The following EPHB1 variants were observed in gnomAD, a reference collection of about 807,000 sequenced individuals.
The protein encoded by EPHB1 is EPH receptor B1, also known as ephrin type-B receptor 1.
Under a neutral mutation model 94.4 loss-of-function variants are expected in EPHB1, and 30 were observed. The observed-to-expected ratio is 0.32, with a 90% CI of 0.24 to 0.43. The LOEUF (loss-of-function observed/expected upper bound fraction) is 0.43, where lower values mean the gene tolerates loss of function less well. EPHB1 is among the 20% of genes least tolerant of loss of function. EPHB1 has a pLI of 1.00. For synonymous variants in EPHB1, 522 were observed against 489.1 expected (o/e 1.07, Z -0.89); for missense variants, 1,055 against 1,308.3 (o/e 0.81, Z 2.99).
chr3:135,180,754 T>A (rs372256926), intron 10 of EPHB1, among the ~76,000 whole-genome samples: 62 of 152,352 alleles, frequency 4.1e-4, no homozygotes, highest in East Asian at 3.5e-3. Context: ...GTAAATGAGA[T>A]AAAACATCTC....
chr3:134,959,285 C>T (rs1278649218), intron 3 of EPHB1, among the ~76,000 whole-genome samples: 3 of 152,014 alleles, frequency 2.0e-5, no homozygotes, highest in Non-Finnish European at 4.4e-5. Flanking sequence ...GAGACTGCCT[C>T]ATTTATCCAG....
At chr3:134,893,059 T>C (rs2038017803) in intron 1 of EPHB1, among the ~76,000 whole-genome samples, 2 of 152,006 alleles carry the variant, frequency 1.3e-5, no homozygotes, top group African/African-American at 4.8e-5. Context: ...AATCTCCTCA[T>C]CCATCTGAGA....
At chr3:135,080,153 T>C (rs916681204) in intron 3 of EPHB1, among the ~76,000 whole-genome samples, 2 of 152,110 alleles carry the variant, frequency 1.3e-5, no homozygotes, top group Non-Finnish European at 2.9e-5. Flanking sequence ...ACTTGTAAGA[T>C]TGGGAAAGGG....
intron 3 of EPHB1, among the ~76,000 whole-genome samples, chr3:135,056,597 C>G (rs1022851062): frequency 3.3e-5 from 5 of 152,256 alleles, no homozygotes; most frequent in Non-Finnish European, 2.9e-5. Flanking sequence ...AGGCCCACAA[C>G]CAGGCAAATG....
At chr3:134,828,362 A>G (rs2036524193) in intron 1 of EPHB1, among the ~76,000 whole-genome samples, 1 of 152,178 alleles carries the variant, frequency 6.6e-6, no homozygotes, top group South Asian at 2.1e-4. Flanking sequence ...CAGCTTCCCA[A>G]GTGGGATGAG....
intron 1 of EPHB1, among the ~76,000 whole-genome samples, chr3:134,882,826 T>TCTTTCTTTC (rs1170051919): frequency 5.7e-5 from 8 of 140,000 alleles, no homozygotes; most frequent in Admixed American, 2.9e-4. Context: ...TTCTTTCTTT[T>TCTTTCTTTC]CTTTCTTTCT....
intron 3 of EPHB1, among the ~76,000 whole-genome samples, chr3:134,960,790 C>A (rs571740559): frequency 3.3e-5 from 5 of 152,168 alleles, no homozygotes; most frequent in Non-Finnish European, 1.5e-5. Flanking sequence ...CAAACCCAGC[C>A]CTGATGAATC....
At chr3:135,165,608 T>C (rs1455596791) in intron 7 of EPHB1, among the ~76,000 whole-genome samples, 1 of 152,174 alleles carries the variant, frequency 6.6e-6, no homozygotes, top group African/African-American at 2.4e-5. Flanking sequence ...TCAGCAGTGG[T>C]TTTCATTTAG....
At chr3:134,882,766 CTT>C (rs1337252648) in intron 1 of EPHB1, among the ~76,000 whole-genome samples, 1 of 17,206 alleles carries the variant, frequency 5.8e-5, no homozygotes, top group Non-Finnish European at 1.4e-4. Flanking sequence ...TCCTTCCTTC[CTT>C]TCTTTCTTTC....
chr3:135,103,560 T>C (rs553562130), intron 3 of EPHB1, among the ~76,000 whole-genome samples: 4 of 152,342 alleles, frequency 2.6e-5, no homozygotes, highest in African/African-American at 7.2e-5. Flanking sequence ...TTTCTAATAA[T>C]CTGTGGGAGT....
chr3:135,188,480 G>A (rs914165850), intron 10 of EPHB1, among the ~76,000 whole-genome samples: 1 of 152,108 alleles, frequency 6.6e-6, no homozygotes, highest in Non-Finnish European at 1.5e-5. Flanking sequence ...GGGCGACATA[G>A]CAAGACTCTG....
intron 1 of EPHB1, among the ~76,000 whole-genome samples, chr3:134,871,846 T>A (rs2037506020): frequency 1.3e-5 from 2 of 152,230 alleles, no homozygotes; most frequent in South Asian, 2.1e-4. Context: ...AGTGGCACTA[T>A]GTTCTACTGG....
In EPHB1 at chr3:135,166,118, G is replaced by A. The variant is rs768360315; in HGVS notation, c.1694+42G>A. 22 of 1,512,936 alleles carry A rather than the reference G, an allele frequency of 1.5e-5. No homozygotes were observed. The Admixed American group carries it at 3.5e-4, about 24-fold the overall frequency. The allele number at this position is 1,512,936 out of a possible 1,614,324, so 93.7% of individuals were successfully genotyped here. A position where few individuals can be genotyped will look rare whatever the true frequency, so the allele number is the denominator to read the frequency against. On this transcript the variant is annotated intron_variant, in intron 8 of 15. Transcript: ENST00000398015. ...CACTTGCTCTCCTTGGACCCAGGAA[G>A]CCCCTCTCCATGTGCCGTTTCCCAG...
intron 3 of EPHB1, among the ~76,000 whole-genome samples, chr3:135,075,631 G>T (rs1937882905): frequency 6.6e-6 from 1 of 152,172 alleles, no homozygotes; most frequent in Non-Finnish European, 1.5e-5. Context: ...ATAGGGTGTG[G>T]TGGCTTATAT....
intron 3 of EPHB1, among the ~76,000 whole-genome samples, chr3:135,011,548 C>T (rs1340200970): frequency 1.3e-5 from 2 of 152,086 alleles, no homozygotes; most frequent in Non-Finnish European, 2.9e-5. Flanking sequence ...TGCTGGGGGT[C>T]GTAGCCACTG....
Position 135,225,275 on chromosome 3 carries a change from G to A in EPHB1, c.2347-15873G>A, listed in dbSNP as rs193279119. 1.6e-4 allele frequency among the ~76,000 whole-genome samples: 24 copies of A among 152,302 alleles called. No individual in the cohort carries two copies. The East Asian group carries it at 4.6e-3, about 29-fold the overall frequency. On this transcript the variant is annotated intron_variant, in intron 12 of 15. Coordinates refer to ENST00000398015, the MANE Select transcript of EPHB1 (RefSeq NM_004441.5). The stretch of plus-strand genomic sequence containing the variant: ...AAGATGTATCTCCCAATCCTTGGGA[G>A]ATACTAAAATATTCCTGTAGGATGC...
At chr3:135,145,009 A>G (rs756451408) in intron 5 of EPHB1, among the ~76,000 whole-genome samples, 1 of 152,250 alleles carries the variant, frequency 6.6e-6, no homozygotes, top group Non-Finnish European at 1.5e-5. Context: ...ATTTATACCC[A>G]GTCTCCAAAT....
At chr3:135,176,558 C>T (rs190068045) in intron 9 of EPHB1, among the ~76,000 whole-genome samples, 232 of 152,318 alleles carry the variant, frequency 1.5e-3, no homozygotes, top group Non-Finnish European at 2.1e-3. Context: ...CTTAATTCTA[C>T]AAGCTAGCAA....
chr3:135,174,164 C>T (rs533923226), intron 9 of EPHB1, among the ~76,000 whole-genome samples: 7 of 152,338 alleles, frequency 4.6e-5, no homozygotes, highest in African/African-American at 7.2e-5. Flanking sequence ...ATGAGCCCCC[C>T]GATGCCCCAC....
Sources: gnomAD v4.1 joint callset for allele counts (sites outside exome capture counted in the v4.1 genomes callset) on GRCh38, gnomAD v4.1.1 for gene constraint, MANE v1.5 for transcripts, NCBI Gene and HGNC (gene_info 2026-07-23, HGNC 2026-07-21) for gene names.